BRD1: variants seen among roughly 807,000 people sequenced by gnomAD.
The protein encoded by BRD1 is bromodomain containing 1.
In BRD1, 24 loss-of-function variants were observed where a neutral mutation model predicts 107.7. The ratio of observed to expected loss-of-function variants is 0.22; its 90% CI spans 0.16 to 0.31. The LOEUF is 0.31. Among genes scored for constraint, BRD1 ranks in the 10% least tolerant of loss-of-function variants. The probability of loss-of-function intolerance (pLI) is 1.00; values close to 1 mark genes in which losing one functional copy is unlikely to be tolerated. For missense variants in BRD1, 1,279 were observed against 1,638.6 expected, an observed-to-expected ratio of 0.78 and a Z score of 3.79; for synonymous variants, 744 against 686.1, an observed-to-expected ratio of 1.08 and a Z score of -1.32.
chr22:49,820,876 G>C (rs529776742), intron 2 of BRD1: 1 of 152,288 alleles, frequency 6.6e-6, no homozygotes, highest in African/African-American at 2.4e-5. Flanking sequence ...TCCTCCACTG[G>C]TGGCAAGGTG....
chr22:49,816,171 G>A (rs1451666647), intron 2 of BRD1, among the ~76,000 whole-genome samples: 1 of 152,120 alleles, frequency 6.6e-6, no homozygotes, highest in Admixed American at 6.5e-5. Flanking sequence ...AAACATGGAG[G>A]AAAAAAAGAC....
chr22:49,825,633 G>A (rs1451353167), intron 1 of BRD1: 1 of 152,262 alleles, frequency 6.6e-6, no homozygotes, highest in African/African-American at 2.4e-5. Flanking sequence ...AATATTCTCA[G>A]CTGAAGCCCA....
rs114385049 is a variant in BRD1, at chr22:49,813,969, G to A, written c.1367+8982C>T. Among the ~76,000 whole-genome samples the A allele has an allele frequency of 7.2e-3, 1,094 of 152,214 alleles. 13 individuals carry two copies. Among genetic ancestry groups the A allele is most frequent in the African/African-American group, 0.025 (1,039 of 41,544 alleles). On this transcript the variant is annotated intron_variant, in intron 2 of 12. Coordinates refer to ENST00000404760, the MANE Select transcript of BRD1 (RefSeq NM_001304808.3). ...AAAGGGTGATAAATTTGAGGAGTACGATGAAATGAACAAACTTCGGTTCAT... is the reference window on the plus strand; with the variant it reads ...AAAGGGTGATAAATTTGAGGAGTACAATGAAATGAACAAACTTCGGTTCAT...
rs915558016 is a variant in BRD1, at chr22:49,824,663, C to T, written c.-14-332G>A. The T allele has an allele frequency of 1.4e-5, 16 of 1,122,916 alleles. No homozygotes were observed. The highest frequency in any genetic ancestry group is 4.4e-5 in the Admixed American group (1 of 22,532). The allele number at this position is 1,122,916 out of a possible 1,614,324, so 69.6% of individuals were successfully genotyped here. A position where few individuals can be genotyped will look rare whatever the true frequency, so the allele number is the denominator to read the frequency against. On this transcript the variant is annotated intron_variant, in intron 1 of 12. Coordinates refer to ENST00000404760, the MANE Select transcript of BRD1 (RefSeq NM_001304808.3). The surrounding 1 kb of genome is among the most constrained non-coding windows in gnomAD (Gnocchi z 5.9). ...CAACGCTCCCCAAGGAGGAGGGGTC[C>T]GGCCCAGAGCCCACAGTTGCAGGAC...
rs1432302821 is a variant in BRD1, at chr22:49,774,103, T to TC, written c.*129dup. ...TCCTAGAAAACTTGGAAATAAAACC[T>TC]CCCCCCTCCCCGGGGAAAAAGAATT... On this transcript the variant is annotated 3_prime_UTR_variant, in exon 13 of 13. Coordinates refer to ENST00000404760, the MANE Select transcript of BRD1 (RefSeq NM_001304808.3). The TC allele has an allele frequency of 9.3e-6, 12 of 1,295,310 alleles. No individual in the cohort carries two copies. The East Asian group carries it at 1.3e-4, about 14-fold the overall frequency. The allele number at this position is 1,295,310 out of a possible 1,614,324, so 80.2% of individuals were successfully genotyped here.
intron 10 of BRD1, 21 bp downstream of exon 10, chr22:49,777,013 A>C: frequency 6.2e-7 from 1 of 1,612,704 alleles, no homozygotes; most frequent in Non-Finnish European, 8.5e-7. Flanking sequence ...AGAGCCATGG[A>C]GGCAGGTCCG....
chr22:49,821,010 G>A (rs1350242693), intron 2 of BRD1: 2 of 152,284 alleles, frequency 1.3e-5, no homozygotes, highest in Admixed American at 1.3e-4. Context: ...TTATTCCCAA[G>A]TTAGGAAAAG....
intron 7 of BRD1, among the ~76,000 whole-genome samples, chr22:49,788,220 G>A (rs1027328584): frequency 6.6e-6 from 1 of 152,210 alleles, no homozygotes; most frequent in Non-Finnish European, 1.5e-5. Context: ...TTACCTTGAG[G>A]AAGAAAAGGT....
Position 49,777,758 on chromosome 22 carries a change from C to T in BRD1, c.2913G>A (p.Leu971=). 6.2e-7 allele frequency: 1 copy of T among 1,605,864 alleles called. No individual in the cohort carries two copies. Among genetic ancestry groups the T allele is most frequent in the South Asian group, 1.1e-5 (1 of 89,814 alleles). The change falls in exon 9 of 13, where the codon CTG becomes CTA. Residue 971 remains leucine, a synonymous_variant. Transcript: ENST00000404760. ...ARSEQEPGGG[L]GRKATPRRRC... ...GTCGTCGGGGTGTGGCCTTCCTCCC[C>T]AGGCCGCCGCCCGGCTCCTGCTCGC...
chr22:49,825,069 C>T (rs969338678), intron 1 of BRD1, among the ~76,000 whole-genome samples: 2 of 152,170 alleles, frequency 1.3e-5, no homozygotes, highest in Non-Finnish European at 2.9e-5. Flanking sequence ...CAGTGACCAC[C>T]ATGGAAACCA....
chr22:49,787,333 G>C (rs2059348645), intron 8 of BRD1, 57 bp downstream of exon 8: 2 of 1,373,464 alleles, frequency 1.5e-6, no homozygotes, highest in Non-Finnish European at 9.6e-7. Flanking sequence ...TGATCCTGAA[G>C]GACGCTCCAG....
chr22:49,826,838 C>T (rs904942633), intron 1 of BRD1, among the ~76,000 whole-genome samples: 1 of 152,212 alleles, frequency 6.6e-6, no homozygotes, highest in Non-Finnish European at 1.5e-5. Context: ...CCCGCTGCTA[C>T]GGATTCTCAG....
Position 49,782,321 on chromosome 22 carries a change from G to A in BRD1, c.2858-4508C>T, listed in dbSNP as rs551552913. Among the ~76,000 whole-genome samples, 102 of 149,854 alleles carry A rather than the reference G, an allele frequency of 6.8e-4. 2 individuals carry two copies. The highest frequency in any genetic ancestry group is 2.3e-3 in the African/African-American group (95 of 40,552). ...CTGCTCTTGCTGGGACCTGCTCCGT[G>A]ACAATGCAGCCGGGGATGGTCAGAA... On this transcript the variant is annotated intron_variant, in intron 8 of 12. Transcript: ENST00000404760.
intron 10 of BRD1, among the ~76,000 whole-genome samples, 170 bp downstream of exon 10, chr22:49,776,864 A>G (rs925839019): frequency 6.6e-6 from 1 of 152,254 alleles, no homozygotes; most frequent in Admixed American, 6.5e-5. Context: ...GCAGGGCCAC[A>G]GCCCAGAGCC....
chr22:49,792,950 C>T lies in BRD1; in HGVS notation c.2359+1084G>A, dbSNP rs1220263080. On this transcript the variant is annotated intron_variant, in intron 7 of 12. Coordinates refer to ENST00000404760, the MANE Select transcript of BRD1 (RefSeq NM_001304808.3). This position sits in a 1 kb window ranked among gnomAD's most constrained non-coding sequence, Gnocchi z 4.2. ...GTGGCATCATGAAGACACTGCGTCA[C>T]TCCGAGCACAGACGTCCATAAGAGA... is the stretch of plus-strand genomic sequence containing the variant. Among the ~76,000 whole-genome samples the T allele has an allele frequency of 6.6e-6, 1 of 152,180 alleles. No homozygotes were observed. The highest frequency in any genetic ancestry group is 1.5e-5 in the Non-Finnish European group (1 of 68,040).
In BRD1 at chr22:49,823,819, C is replaced by T. The variant is rs776625246; in HGVS notation, c.499G>A (p.Glu167Lys). ...CCCTTGCGCTTCTCATTGACGATCT[C>T]CAGCCAGGCATAGTCCTCCTCGTCC... ...DMDEEDYAWL[E>K]IVNEKRKGDC... The change falls in exon 2 of 13, where the codon GAG becomes AAG. Residue 167 changes from glutamate to lysine, a missense_variant. Physicochemically the swap from Glu to Lys is moderately conservative, Grantham distance 56. Transcript: ENST00000404760. 1 of 1,614,170 alleles carries T rather than the reference C, an allele frequency of 6.2e-7. No individual in the cohort carries two copies. Among genetic ancestry groups the T allele is most frequent in the South Asian group, 1.1e-5 (1 of 91,090 alleles).
intron 8 of BRD1, among the ~76,000 whole-genome samples, chr22:49,782,101 G>A (rs534081957): frequency 2.7e-5 from 4 of 148,512 alleles, no homozygotes; most frequent in South Asian, 2.1e-4. Context: ...CAGCTGGGAC[G>A]GTCAGAGACA....
intron 2 of BRD1, among the ~76,000 whole-genome samples, chr22:49,810,614 C>A (rs1460279886): frequency 6.6e-6 from 1 of 152,158 alleles, no homozygotes; most frequent in Non-Finnish European, 1.5e-5. Context: ...ACAGAGAACT[C>A]TTATGACAAC....
chr22:49,775,816 C>CCT, intron 11 of BRD1, 71 bp from the exon 12 acceptor site: 1 of 755,326 alleles, frequency 1.3e-6, no homozygotes, highest in Non-Finnish European at 1.7e-6. Context: ...GTCACTGGCA[C>CCT]CCCCCCCCGC....
Sources: allele counts gnomAD v4.1 joint callset (sites outside exome capture counted in the v4.1 genomes callset), GRCh38; gene constraint gnomAD v4.1.1; non-coding constraint Gnocchi (gnomAD v3.1); transcripts MANE v1.5; gene names NCBI Gene and HGNC (gene_info 2026-07-23, HGNC 2026-07-21).